Variants in TNPO3 observed in about 807,000 individuals in gnomAD.
TNPO3 encodes the protein transportin 3.
Under a neutral mutation model 122.8 loss-of-function variants are expected in TNPO3, and 65 were observed. The ratio of observed to expected loss-of-function variants is 0.53; its 90% confidence interval spans 0.43 to 0.65. The LOEUF (loss-of-function observed/expected upper bound fraction) is 0.65, where lower values mean the gene tolerates loss of function less well. Ranked by LOEUF, TNPO3 falls within the 30% of genes least tolerant of loss-of-function variation. TNPO3 has a pLI of 0.00. For synonymous variants in TNPO3, 372 were observed against 411.2 expected, an observed-to-expected ratio of 0.90 and a Z score of 1.15; for missense variants, 850 against 1,136.7, an observed-to-expected ratio of 0.75 and a Z score of 3.63.
At chr7:129,030,164 G>A (rs2150492844) in intron 1 of TNPO3, 2 of 164,440 alleles carry the variant, frequency 1.2e-5, no homozygotes, top group East Asian at 1.7e-4. Context: ...CACATGTAAA[G>A]CCCCTGCTGC....
intron 20 of TNPO3, among the ~76,000 whole-genome samples, 168 bp from the exon 21 acceptor site, chr7:128,967,560 C>A (rs1798043446): frequency 6.6e-6 from 1 of 152,162 alleles, no homozygotes; most frequent in South Asian, 2.1e-4. Flanking sequence ...CCCTTCAAAC[C>A]CTCTGGGTTG....
intron 14 of TNPO3, among the ~76,000 whole-genome samples, chr7:128,980,462 G>A (rs1185482078): frequency 6.6e-6 from 1 of 152,182 alleles, no homozygotes; most frequent in Non-Finnish European, 1.5e-5. Flanking sequence ...ACAAAAATAA[G>A]CCGGGCGTGG....
chr7:129,026,694 G>A (rs201904785), intron 1 of TNPO3, among the ~76,000 whole-genome samples: 2 of 152,094 alleles, frequency 1.3e-5, no homozygotes, highest in East Asian at 1.9e-4. Context: ...ATGAGCCACT[G>A]CACCTGGCTG....
chr7:128,957,991 G>GC (rs981929630), intron 21 of TNPO3, among the ~76,000 whole-genome samples: 1 of 152,042 alleles, frequency 6.6e-6, no homozygotes, highest in African/African-American at 2.4e-5. Flanking sequence ...TTTTTCAAAA[G>GC]CCCCCCGACC....
intron 10 of TNPO3, among the ~76,000 whole-genome samples, chr7:128,990,986 T>A (rs539788454): frequency 6.6e-6 from 1 of 151,754 alleles, no homozygotes; most frequent in African/African-American, 2.4e-5. Context: ...ACAAAAAAAA[T>A]ATCAAATCTC....
intron 13 of TNPO3, among the ~76,000 whole-genome samples, chr7:128,983,421 C>T (rs976598870): frequency 2.0e-5 from 3 of 152,098 alleles, no homozygotes; most frequent in African/African-American, 7.2e-5. Flanking sequence ...GTTGGTCAGA[C>T]TCTAACTCCG....
chr7:129,054,819 G>A lies in TNPO3; in HGVS notation c.-49C>T. The A allele has an allele frequency of 5.0e-6, 8 of 1,612,040 alleles. No individual in the cohort carries two copies. Among genetic ancestry groups the A allele is most frequent in the Non-Finnish European group, 6.8e-6 (8 of 1,179,098 alleles). On this transcript the variant is annotated 5_prime_UTR_variant, in exon 1 of 23. Coordinates refer to ENST00000265388, the MANE Select transcript of TNPO3 (RefSeq NM_012470.4). Reference sequence around the variant, plus strand: ...CGACGGCTCTGATTCTTCTCCGGAGGATTCCTCGGTTGCTCCGCCTTCGCG... The same window carrying A: ...CGACGGCTCTGATTCTTCTCCGGAGAATTCCTCGGTTGCTCCGCCTTCGCG...
At position 129,000,503 on chromosome 7, in the gene TNPO3, T is replaced by A; in HGVS notation, c.937A>T (p.Thr313Ser). The A allele has an allele frequency of 6.2e-7, 1 of 1,613,626 alleles. No individual in the cohort carries two copies. ...AGGTCCCCAAGACCTTGGCCTGGAG[T>A]ACAAACAATTTTTTCAAGAAAAGTT... is the stretch of plus-strand genomic sequence containing the variant. ...CETFLEKIVC[T>S]PGQGLGDLRT... The change falls in exon 7 of 23, where the codon ACT (threonine) becomes TCT (serine). Residue 313 changes from threonine to serine, a missense_variant. Transcript: ENST00000265388.
intron 11 of TNPO3, among the ~76,000 whole-genome samples, chr7:128,989,716 C>T (rs1241577431): frequency 6.6e-6 from 1 of 152,162 alleles, no homozygotes; most frequent in African/African-American, 2.4e-5. Context: ...AAACAGAGTA[C>T]TAGAAGCAAA....
At chr7:129,029,622 C>G (rs1346151231) in intron 1 of TNPO3, 1 of 152,132 alleles carries the variant, frequency 6.6e-6, no homozygotes, top group Non-Finnish European at 1.5e-5. Context: ...TGTAATCAAC[C>G]CAGCATCAGA....
intron 1 of TNPO3, among the ~76,000 whole-genome samples, chr7:129,035,174 T>A (rs563696874): frequency 2.6e-5 from 4 of 152,052 alleles, no homozygotes; most frequent in African/African-American, 9.6e-5. Flanking sequence ...CTCGGGAGGC[T>A]GAGGCAGGAG....
intron 1 of TNPO3, among the ~76,000 whole-genome samples, chr7:129,028,673 C>A (rs759118636): frequency 6.6e-6 from 1 of 152,214 alleles, no homozygotes; most frequent in Non-Finnish European, 1.5e-5. Context: ...CACTGACAGG[C>A]ACAGCAGAGA....
At chr7:129,051,119 T>C (rs1730438207) in intron 1 of TNPO3, among the ~76,000 whole-genome samples, 1 of 148,372 alleles carries the variant, frequency 6.7e-6, no homozygotes, top group African/African-American at 2.5e-5. Flanking sequence ...GGGTGACTTA[T>C]TGTGGATACC....
At chr7:129,037,490 T>G (rs1210094450) in intron 1 of TNPO3, among the ~76,000 whole-genome samples, 2 of 152,114 alleles carry the variant, frequency 1.3e-5, no homozygotes, top group African/African-American at 4.8e-5. Flanking sequence ...TGGGCTAGGA[T>G]GAGCATATAG....
chr7:129,016,605 C>T (rs1324521015), intron 3 of TNPO3, among the ~76,000 whole-genome samples: 2 of 152,134 alleles, frequency 1.3e-5, no homozygotes, highest in Admixed American at 6.5e-5. Context: ...CTCTGATAAA[C>T]GTGAAACAAA....
rs201636723 is a variant in TNPO3, at chr7:129,054,779, C to A, written c.-9G>T. On this transcript the variant is annotated 5_prime_UTR_variant, in exon 1 of 23. Coordinates refer to ENST00000265388, the MANE Select transcript of TNPO3 (RefSeq NM_012470.4). The stretch of plus-strand genomic sequence containing the variant: ...GGCTTTGCTCCTTCCATGGTGGTGG[C>A]GGTAGTGGCGGTAGCGACGGCTCTG... 4 of 1,613,858 alleles carry A rather than the reference C, an allele frequency of 2.5e-6. No homozygotes were observed. The highest frequency in any genetic ancestry group is 2.2e-5 in the East Asian group (1 of 44,892).
intron 4 of TNPO3, among the ~76,000 whole-genome samples, chr7:129,013,909 T>A (rs1803520284): frequency 2.7e-5 from 4 of 150,722 alleles, no homozygotes. Flanking sequence ...TATGTTGGAG[T>A]GAAAAAAAAT....
chr7:129,044,298 T>C (rs1807760735), intron 1 of TNPO3, among the ~76,000 whole-genome samples: 1 of 152,208 alleles, frequency 6.6e-6, no homozygotes, highest in Admixed American at 6.5e-5. Flanking sequence ...TAGTTCCAAA[T>C]ATATTCTCTT....
intron 1 of TNPO3, among the ~76,000 whole-genome samples, chr7:129,050,125 T>C (rs1246028774): frequency 6.6e-6 from 1 of 152,052 alleles, no homozygotes; most frequent in East Asian, 1.9e-4. Flanking sequence ...CACTCATGCC[T>C]GTAATCCCAG....
Sources: gnomAD v4.1 joint callset for allele counts (sites outside exome capture counted in the v4.1 genomes callset) on GRCh38, gnomAD v4.1.1 for gene constraint, MANE v1.5 for transcripts, NCBI Gene and HGNC (gene_info 2026-07-23, HGNC 2026-07-21) for gene names.